ARRDC2: variants seen among roughly 807,000 people sequenced by gnomAD.
ARRDC2 encodes arrestin domain containing 2, also known as arrestin domain-containing protein 2.
ARRDC2 carries 39 observed loss-of-function variants against 38.9 expected under a neutral mutation model. That is an observed-to-expected ratio of 1.00 (90% CI 0.78 to 1.31). ARRDC2 has a LOEUF of 1.31. ARRDC2 is among the 50% of genes most tolerant of loss of function. The pLI is 0.00. For missense variants in ARRDC2, 553 were observed against 588.4 expected (o/e 0.94, Z 0.62); for synonymous variants, 300 against 261.9 (o/e 1.15, Z -1.41).
Position 18,009,668 on chromosome 19 carries a change from AGATC to A in ARRDC2, c.569_572del (p.Ile190ThrfsTer111). 6.2e-7 allele frequency: 1 copy of A among 1,611,312 alleles called. No individual in the cohort carries two copies. Among genetic ancestry groups the A allele is most frequent in the Non-Finnish European group, 8.5e-7 (1 of 1,177,954 alleles). On this transcript the variant is annotated frameshift_variant, in exon 4 of 8. Transcript: ENST00000222250. LOFTEE classifies it high-confidence loss of function. ...CGTGGCCTAGTCTCCCTTTCGGCCA[AGATC>A]GACCGCAAGGGCTACACCCCAGGTA...
In ARRDC2 at chr19:18,009,136, G is replaced by A. The variant is rs761774256; in HGVS notation, c.489+18G>A. 6.2e-7 allele frequency: 1 copy of A among 1,612,514 alleles called. No individual in the cohort carries two copies. Among genetic ancestry groups the A allele is most frequent in the South Asian group, 1.1e-5 (1 of 91,002 alleles). ...CCCTGCTGGTGAGTGGCCACCCTTG[G>A]GGAGGTAGGTTGGGAGTATTGTAGG... is the stretch of plus-strand genomic sequence containing the variant. On this transcript the variant is annotated intron_variant, in intron 3 of 7. Coordinates refer to ENST00000222250, the MANE Select transcript of ARRDC2 (RefSeq NM_015683.2).
chr19:18,011,930 ATGTG>A (rs1243159054), intron 7 of ARRDC2, among the ~76,000 whole-genome samples: 228 of 99,800 alleles, frequency 2.3e-3, no homozygotes, highest in African/African-American at 7.6e-3. Flanking sequence ...GTGTGTGTAT[ATGTG>A]TATATATATA....
Position 18,010,605 on chromosome 19 carries a change from C to G in ARRDC2, c.1046C>G (p.Thr349Ser). 6.2e-7 allele frequency: 1 copy of G among 1,613,912 alleles called. No homozygotes were observed. The highest frequency in any genetic ancestry group is 8.5e-7 in the Non-Finnish European group (1 of 1,180,022). Residue 349 changes from threonine to serine, a missense_variant, in exon 7 of 8, where the codon ACT becomes AGT. By Grantham distance (58) the Thr-to-Ser change is moderately conservative. Coordinates refer to ENST00000222250, the MANE Select transcript of ARRDC2 (RefSeq NM_015683.2). ...PPEYSEVVAD[T>S]EEAALGQSPF... is the part of the protein sequence containing the mutation. Reference sequence around the variant, plus strand: ...GAGTACTCGGAGGTGGTAGCCGACACTGAGGAGGCAGCCTTGGGGCAGAGC... The same window carrying G: ...GAGTACTCGGAGGTGGTAGCCGACAGTGAGGAGGCAGCCTTGGGGCAGAGC...
In ARRDC2 at chr19:18,010,295, G is replaced by A. The variant is rs201831893; in HGVS notation, c.949G>A (p.Val317Met). ...LHPFGSRSSS[V>M]GSHASFLLDW... ...CCCTTTTGGCAGCCGTTCCTCCAGC[G>A]TGGGCAGCCACGCCAGCTTCCTGCT... is the stretch of plus-strand genomic sequence containing the variant. Residue 317 changes from valine to methionine, a missense_variant, in exon 6 of 8, where the codon GTG becomes ATG. Val to Met is a conservative substitution (Grantham distance 21). Around this residue, in one of 3 missense-constraint regions of ARRDC2, gnomAD observed 6 missense variants for 24.2 expected, o/e 0.25. Transcript: ENST00000222250. 1,826 of 1,613,328 alleles carry A rather than the reference G, an allele frequency of 1.1e-3. 4 individuals carry two copies. The highest frequency in any genetic ancestry group is 1.6e-3 in the Admixed American group (99 of 60,024).
intron 4 of ARRDC2, 21 bp downstream of exon 4, chr19:18,009,715 G>A: frequency 1.7e-5 from 28 of 1,612,712 alleles, no homozygotes; most frequent in Non-Finnish European, 2.3e-5. Flanking sequence ...GACCGGACTG[G>A]GTTGGGACGG....
intron 3 of ARRDC2, 100 bp from the exon 4 acceptor site, chr19:18,009,492 G>T (rs2033358721): frequency 9.0e-7 from 1 of 1,106,862 alleles, no homozygotes; most frequent in African/African-American, 1.6e-5. Context: ...ACCAAGCCCT[G>T]CCCAAAGTCC....
At chr19:18,006,454 T>A (rs936011658), upstream of ARRDC2, among the ~76,000 whole-genome samples, 3 of 152,126 alleles carry the variant, frequency 2.0e-5, no homozygotes, top group South Asian at 2.1e-4. Flanking sequence ...GCGAAACCCC[T>A]TCTCCACCAA....
chr19:18,011,189 G>T lies in ARRDC2; in HGVS notation c.1170+460G>T, dbSNP rs1370894454. On this transcript the variant is annotated intron_variant, in intron 7 of 7. Transcript: ENST00000222250. ...ATTTTTGTATTTTTAGTAGAGACGG[G>T]GTTTCACCATGTTGGTCAGGCTGGT... 2.0e-5 allele frequency among the ~76,000 whole-genome samples: 3 copies of T among 152,150 alleles called. No individual in the cohort carries two copies. The East Asian group carries it at 5.8e-4, about 29-fold the overall frequency.
chr19:18,008,320 G>A lies in ARRDC2; in HGVS notation c.10G>A (p.Asp4Asn). Residue 4 changes from aspartate to asparagine, a missense_variant, in exon 1 of 8, where the codon GAC becomes AAC. Physicochemically the swap from Asp to Asn is conservative, Grantham distance 23. Around this residue, in one of 3 missense-constraint regions of ARRDC2, gnomAD observed 447 missense variants for 456.6 expected, o/e 0.98. Coordinates refer to ENST00000222250, the MANE Select transcript of ARRDC2 (RefSeq NM_015683.2). MLF[D>N]KVKAFSVQLD... ...TCGCACCCCGGACGCGATGCTATTC[G>A]ACAAGGTGAAAGCGTTCTCGGTGCA... is the stretch of plus-strand genomic sequence containing the variant. 1 of 1,595,970 alleles carries A rather than the reference G, an allele frequency of 6.3e-7. No individual in the cohort carries two copies. The highest frequency in any genetic ancestry group is 8.5e-7 in the Non-Finnish European group (1 of 1,178,706).
In ARRDC2 at chr19:18,009,851, G is replaced by A. The variant is rs147746417; in HGVS notation, c.661G>A (p.Val221Met). Residue 221 changes from valine (V) to methionine (M), a missense_variant, in exon 5 of 8, where the codon GTG becomes ATG. Coordinates refer to ENST00000222250, the MANE Select transcript of ARRDC2 (RefSeq NM_015683.2). Reference sequence around the variant, plus strand: ...ACGTCCTGTGCTGCCTCGGGCAGCCGTGGTGCAGACACAGACGTTCATGGC... The same window carrying A: ...ACGTCCTGTGCTGCCTCGGGCAGCCATGGTGCAGACACAGACGTTCATGGC... ...STRPVLPRAA[V>M]VQTQTFMARG... 1,280 of 1,612,296 alleles carry A rather than the reference G, an allele frequency of 7.9e-4. 4 individuals are homozygous for A. The highest frequency in any genetic ancestry group is 8.4e-4 in the Non-Finnish European group (993 of 1,179,860).
At chr19:18,006,335 C>A (rs1364264154), upstream of ARRDC2, among the ~76,000 whole-genome samples, 1 of 152,140 alleles carries the variant, frequency 6.6e-6, no homozygotes, top group South Asian at 2.1e-4. Flanking sequence ...AGCCTGGGCA[C>A]CATTGAGCAC....
chr19:18,011,095 T>G (rs984190951), intron 7 of ARRDC2, among the ~76,000 whole-genome samples: 2 of 152,182 alleles, frequency 1.3e-5, no homozygotes, highest in South Asian at 2.1e-4. Flanking sequence ...GCATCCCTGG[T>G]AGAGCGATTC....
upstream of ARRDC2, among the ~76,000 whole-genome samples, chr19:18,006,186 G>A (rs1367647791): frequency 4.0e-5 from 6 of 151,706 alleles, no homozygotes; most frequent in South Asian, 1.0e-3. Context: ...CAGACGATGG[G>A]CGGTCAGGCA....
intron 1 of ARRDC2, among the ~76,000 whole-genome samples, chr19:18,002,642 G>A (rs1317796867): frequency 6.6e-6 from 1 of 152,214 alleles, no homozygotes; most frequent in African/African-American, 2.4e-5. Flanking sequence ...AAGAGCCACA[G>A]GTGCGGGGGA....
upstream of ARRDC2, among the ~76,000 whole-genome samples, chr19:18,004,570 T>G (rs2033235772): frequency 6.9e-6 from 1 of 145,020 alleles, no homozygotes; most frequent in South Asian, 2.2e-4. Context: ...TTTTAAATTC[T>G]CCCAGCTACT....
At chr19:18,008,114 T>TGTGGGG, upstream of ARRDC2, 46 of 1,056,190 alleles carry the variant, frequency 4.4e-5, no homozygotes, top group African/African-American at 5.9e-5. Context: ...GAAGAGACGG[T>TGTGGGG]GACCCCACCC....
At chr19:18,008,121 A>ACCCCCCCCC (rs149842719), upstream of ARRDC2, 164 of 370,546 alleles carry the variant, frequency 4.4e-4, no homozygotes, top group South Asian at 1.1e-3. Context: ...CGGTGACCCC[A>ACCCCCCCCC]CCCCCCCCCG....
In ARRDC2 at chr19:18,008,800, T is replaced by G. The variant is rs199938513; in HGVS notation, c.341+23T>G. ...CCCGTAAGTCCTCTGGGGTGCAGGG[T>G]TGCCCTAAGCCTGCAGCCCCTTCCA... is the stretch of plus-strand genomic sequence containing the variant. On this transcript the variant is annotated intron_variant, in intron 2 of 7. Transcript: ENST00000222250. 1.5e-4 allele frequency: 242 copies of G among 1,612,496 alleles called. 1 individual carries two copies. In the African/African-American group the frequency reaches 2.8e-3, roughly 19 times the overall value.
In ARRDC2 at chr19:18,009,148, G is replaced by C. The variant is rs1330899025; in HGVS notation, c.489+30G>C. 1.9e-6 allele frequency: 3 copies of C among 1,610,592 alleles called. No individual in the cohort carries two copies. In the Admixed American group the frequency reaches 5.0e-5, roughly 27 times the overall value. Reference sequence around the variant, plus strand: ...GTGGCCACCCTTGGGGAGGTAGGTTGGGAGTATTGTAGGAAGGGGCCTGCC... The same window carrying C: ...GTGGCCACCCTTGGGGAGGTAGGTTCGGAGTATTGTAGGAAGGGGCCTGCC... On this transcript the variant is annotated intron_variant, in intron 3 of 7. Transcript: ENST00000222250.
Sources: gnomAD v4.1 joint callset for allele counts (sites outside exome capture counted in the v4.1 genomes callset) on GRCh38, gnomAD v4.1.1 for gene constraint, gnomAD v4.1.1 regional missense constraint, MANE v1.5 for transcripts, NCBI Gene and HGNC (gene_info 2026-07-23, HGNC 2026-07-21) for gene names.